TULP4: variants seen among roughly 807,000 people sequenced by gnomAD.
The protein encoded by TULP4 is TUB like protein 4.
A neutral mutation model predicts 129.0 loss-of-function variants in TULP4; 16 were observed. That is an observed-to-expected ratio of 0.12 (90% CI 0.08 to 0.19). TULP4 has a LOEUF of 0.19. Among genes scored for constraint, TULP4 ranks in the 10% least tolerant of loss-of-function variants. The probability of loss-of-function intolerance (pLI) is 1.00; values close to 1 mark genes in which losing one functional copy is unlikely to be tolerated. For synonymous variants in TULP4, 998 were observed against 854.0 expected (o/e 1.17, Z -2.94); for missense variants, 1,842 against 2,059.1 (o/e 0.89, Z 2.04).
At chr6:158,386,997 A>C (rs1777463540) in intron 1 of TULP4, among the ~76,000 whole-genome samples, 1 of 152,190 alleles carries the variant, frequency 6.6e-6, no homozygotes. Context: ...AATTAGGATA[A>C]AGTAGTAAAA....
In TULP4 at chr6:158,394,786, C is replaced by CAAAAAAAAAAAA. The variant is rs71030166; in HGVS notation, c.253-18262_253-18251dup. 1.5e-3 allele frequency among the ~76,000 whole-genome samples: 68 copies of CAAAAAAAAAAAA among 46,016 alleles called. 4 individuals are homozygous for CAAAAAAAAAAAA. Among genetic ancestry groups the CAAAAAAAAAAAA allele is most frequent in the African/African-American group, 3.4e-3 (32 of 9,450 alleles). 30.2% of individuals were successfully genotyped at this position (46,016 alleles called of 152,430 possible). A position where few individuals can be genotyped will look rare whatever the true frequency, so the allele number is the denominator to read the frequency against. ...TGGGCAACTGAGCAAGGCTCTGTCT[C>CAAAAAAAAAAAA]AAAAAAAAAAAAAAAAAAAAAAAAA... is the stretch of plus-strand genomic sequence containing the variant. On this transcript the variant is annotated intron_variant, in intron 1 of 13. Coordinates refer to ENST00000367097, the MANE Select transcript of TULP4 (RefSeq NM_020245.5).
chr6:158,264,400 C>G (rs1034340832), intron 1 of TULP4, among the ~76,000 whole-genome samples: 2 of 152,200 alleles, frequency 1.3e-5, no homozygotes, highest in Non-Finnish European at 2.9e-5. Flanking sequence ...ATACCAAAAT[C>G]TACTTTATTT....
At chr6:158,468,791 G>A (rs764161132) in intron 6 of TULP4, among the ~76,000 whole-genome samples, 7 of 152,328 alleles carry the variant, frequency 4.6e-5, no homozygotes, top group South Asian at 4.1e-4. Flanking sequence ...TAGATTCAGC[G>A]TCTGGTCCGC....
At chr6:158,488,483 GC>G (rs1780119522) in intron 8 of TULP4, among the ~76,000 whole-genome samples, 1 of 152,134 alleles carries the variant, frequency 6.6e-6, no homozygotes, top group Non-Finnish European at 1.5e-5. Context: ...ACAACCTGGG[GC>G]CAGCCTCCTT....
chr6:158,424,064 CAGTA>C (rs997389119), intron 2 of TULP4, among the ~76,000 whole-genome samples: 2 of 152,060 alleles, frequency 1.3e-5, no homozygotes, highest in South Asian at 2.1e-4. Flanking sequence ...AATTTTATGA[CAGTA>C]AGAAGGTGAA....
At position 158,510,411 on chromosome 6, in the gene TULP4, C is replaced by T. The variant is rs1237524310; in HGVS notation, c.*3717C>T. The T allele has an allele frequency of 6.6e-6, 1 of 152,214 alleles. No individual in the cohort carries two copies. The highest frequency in any genetic ancestry group is 2.4e-5 in the African/African-American group (1 of 41,446). The allele number at this position is 152,214 out of a possible 1,614,324, so 9.4% of individuals were successfully genotyped here. ...CAAGTCCCTGGGGCTGGCTAGGCCT[C>T]CACTTGTCCATCTGTGAAATGAAAG... On this transcript the variant is annotated 3_prime_UTR_variant, in exon 14 of 14. Transcript: ENST00000367097.
intron 3 of TULP4, among the ~76,000 whole-genome samples, chr6:158,447,881 C>T (rs781280610): frequency 1.3e-5 from 2 of 152,152 alleles, no homozygotes; most frequent in South Asian, 2.1e-4. Context: ...GAGATGCTGA[C>T]GGATAGACAG....
chr6:158,239,261 G>A (rs1227079048), intron 1 of TULP4, among the ~76,000 whole-genome samples: 1 of 67,014 alleles, frequency 1.5e-5, no homozygotes, highest in African/African-American at 5.2e-5. Flanking sequence ...CTCCCGGACC[G>A]GGCGGCTGGC....
intron 12 of TULP4, 70 bp downstream of exon 12, chr6:158,498,882 G>A (rs1182883506): frequency 1.1e-5 from 18 of 1,573,254 alleles, no homozygotes; most frequent in Admixed American, 6.9e-5. Context: ...GGGACAGAGC[G>A]GCAAGTTGTT....
intron 1 of TULP4, among the ~76,000 whole-genome samples, chr6:158,403,960 TC>T (rs1428722329): frequency 6.6e-6 from 1 of 152,172 alleles, no homozygotes; most frequent in Non-Finnish European, 1.5e-5. Context: ...ACACCTAACC[TC>T]CCTAAGTCTC....
intron 1 of TULP4, chr6:158,238,255 C>T: frequency 1.8e-6 from 2 of 1,128,010 alleles, no homozygotes; most frequent in Non-Finnish European, 2.7e-6. Flanking sequence ...ATTCCTGAAG[C>T]AGCTCTATTG....
At chr6:158,484,799 T>G (rs772815891) in intron 8 of TULP4, among the ~76,000 whole-genome samples, 72 of 152,256 alleles carry the variant, frequency 4.7e-4, no homozygotes, top group Non-Finnish European at 9.4e-4. Context: ...GACCAGTTAT[T>G]TAGCGCGTGC....
chr6:158,301,460 C>T (rs762124012), intron 1 of TULP4, among the ~76,000 whole-genome samples: 21 of 151,804 alleles, frequency 1.4e-4, no homozygotes, highest in Admixed American at 7.2e-4. Context: ...GAATTTGCCA[C>T]AGTATGGAAT....
In TULP4 at chr6:158,504,059, G is replaced by C. The variant is rs141683209; in HGVS notation, c.4396G>C (p.Val1466Leu). Residue 1466 changes from valine (V) to leucine (L), a missense_variant, in exon 13 of 14, where the codon GTG (valine) becomes CTG (leucine). Val to Leu is a conservative substitution (Grantham distance 32). Transcript: ENST00000367097. Reference protein sequence around the residue: ...GRLGSQGFVYVMANKQPLWNE... With the variant: ...GRLGSQGFVYLMANKQPLWNE... The stretch of plus-strand genomic sequence containing the variant: ...GCTGGGCAGCCAAGGCTTCGTGTAC[G>C]TGATGGCCAACAAGCAGCCGCTGTG... 6.2e-7 allele frequency: 1 copy of C among 1,609,032 alleles called. No individual in the cohort carries two copies. Among genetic ancestry groups the C allele is most frequent in the South Asian group, 1.1e-5 (1 of 90,416 alleles).
intron 1 of TULP4, among the ~76,000 whole-genome samples, chr6:158,292,421 T>C (rs1469495695): frequency 6.6e-6 from 1 of 152,206 alleles, no homozygotes; most frequent in Non-Finnish European, 1.5e-5. Flanking sequence ...CTTTCCCTTA[T>C]GTTTATGTGT....
chr6:158,245,899 G>T (rs1778019640), intron 1 of TULP4, among the ~76,000 whole-genome samples: 1 of 152,162 alleles, frequency 6.6e-6, no homozygotes, highest in South Asian at 2.1e-4. Context: ...CCACCTAATA[G>T]ATGTTTGTTT....
chr6:158,365,500 A>ATC (rs1554284245), intron 1 of TULP4, among the ~76,000 whole-genome samples: 3 of 140,672 alleles, frequency 2.1e-5, no homozygotes, highest in Admixed American at 1.5e-4. Context: ...TTTTTGAGAC[A>ATC]GAGTCTTGCT....
At chr6:158,233,997 T>A (rs1583659402) in intron 1 of TULP4, among the ~76,000 whole-genome samples, 1 of 152,242 alleles carries the variant, frequency 6.6e-6, no homozygotes, top group African/African-American at 2.4e-5. Context: ...GAGGGAGGAA[T>A]ATGGAGAAAA....
At chr6:158,258,078 G>A (rs931301016) in intron 1 of TULP4, among the ~76,000 whole-genome samples, 1 of 151,208 alleles carries the variant, frequency 6.6e-6, no homozygotes, top group Non-Finnish European at 1.5e-5. Context: ...AACAATCAGC[G>A]GAAAGGACTG....
Sources: allele counts gnomAD v4.1 joint callset (sites outside exome capture counted in the v4.1 genomes callset), GRCh38; gene constraint gnomAD v4.1.1; transcripts MANE v1.5; gene names NCBI Gene and HGNC (gene_info 2026-07-23, HGNC 2026-07-21).